CCNY: variants seen among roughly 807,000 people sequenced by gnomAD.
CCNY encodes the protein cyclin Y.
In CCNY, 19 loss-of-function variants were observed where a neutral mutation model predicts 42.8. That is an observed-to-expected ratio of 0.44 (90% CI 0.31 to 0.65). The LOEUF is 0.65. CCNY is among the 30% of genes least tolerant of loss of function. CCNY has a pLI of 0.07. For synonymous variants in CCNY, 165 were observed against 162.7 expected (o/e 1.01, Z -0.11); for missense variants, 370 against 437.3 (o/e 0.85, Z 1.37).
chr10:35,386,227 C>A (rs1210032486), intron 1 of CCNY, among the ~76,000 whole-genome samples: 1 of 152,144 alleles, frequency 6.6e-6, no homozygotes, highest in Admixed American at 6.5e-5. Context: ...ATCTTCGTAT[C>A]GTGTCAGAGT....
chr10:35,301,765 G>C (rs1835536349), intron 3 of CCNY, among the ~76,000 whole-genome samples: 1 of 151,956 alleles, frequency 6.6e-6, no homozygotes, highest in Admixed American at 6.6e-5. Flanking sequence ...GAGTAGCTGG[G>C]ACAGGTCTAC....
intron 1 of CCNY, among the ~76,000 whole-genome samples, chr10:35,448,186 A>G (rs1838833759): frequency 6.6e-6 from 1 of 152,204 alleles, no homozygotes; most frequent in South Asian, 2.1e-4. Flanking sequence ...GTGTGATTGA[A>G]TCGTTCTTTA....
chr10:35,326,634 C>T (rs1215499724), intron 3 of CCNY, among the ~76,000 whole-genome samples: 1 of 152,066 alleles, frequency 6.6e-6, no homozygotes, highest in Non-Finnish European at 1.5e-5. Flanking sequence ...TGTGGTGGCT[C>T]ACACGTGTAA....
rs539249882 is a variant in CCNY, at chr10:35,360,646, G to A, written c.154+23439G>A. Among the ~76,000 whole-genome samples the A allele has an allele frequency of 2.6e-5, 4 of 151,978 alleles. No individual in the cohort carries two copies. In the East Asian group the frequency reaches 7.7e-4, roughly 29 times the overall value. On this transcript the variant is annotated intron_variant, in intron 1 of 9. Transcript: ENST00000374704. ...CCTTGATTTTAGAAAATTTAAAAAA[G>A]TATATAGAAAAAATTACCTGTAATC...
intron 3 of CCNY, chr10:35,320,801 C>A (rs180953767): frequency 7.9e-5 from 12 of 152,140 alleles, no homozygotes; most frequent in Admixed American, 7.2e-4. Flanking sequence ...TGCATACTAG[C>A]AATAACCACC....
At chr10:35,393,087 G>C (rs561431382) in intron 1 of CCNY, among the ~76,000 whole-genome samples, 19 of 152,204 alleles carry the variant, frequency 1.2e-4, no homozygotes, top group Non-Finnish European at 2.5e-4. Context: ...GTCCCCAGCT[G>C]CCCTGTGTTT....
intron 1 of CCNY, among the ~76,000 whole-genome samples, chr10:35,447,927 C>T (rs931711493): frequency 1.3e-5 from 2 of 152,134 alleles, no homozygotes; most frequent in Non-Finnish European, 2.9e-5. Flanking sequence ...TGGCATTTCC[C>T]GTGATGAAGG....
chr10:35,443,260 A>G (rs1389492079), intron 1 of CCNY, among the ~76,000 whole-genome samples: 1 of 152,220 alleles, frequency 6.6e-6, no homozygotes, highest in Non-Finnish European at 1.5e-5. Context: ...TTTCTTCACT[A>G]ATAAATTAAT....
chr10:35,535,743 C>T (rs925440282), intron 7 of CCNY, among the ~76,000 whole-genome samples: 4 of 152,122 alleles, frequency 2.6e-5, no homozygotes, highest in Admixed American at 6.5e-5. Context: ...CTAGCGTTTA[C>T]ATTGTATTAG....
At chr10:35,481,636 G>C (rs963321408) in intron 1 of CCNY, among the ~76,000 whole-genome samples, 13 of 152,172 alleles carry the variant, frequency 8.5e-5, no homozygotes, top group African/African-American at 2.9e-4. Flanking sequence ...GCTGGCATGT[G>C]GGAACTGCAT....
chr10:35,393,243 G>A (rs1032182323), intron 1 of CCNY, among the ~76,000 whole-genome samples: 3 of 152,166 alleles, frequency 2.0e-5, no homozygotes, highest in Non-Finnish European at 4.4e-5. Flanking sequence ...GCTCCTATAA[G>A]TATATGATGA....
At chr10:35,271,504 GC>G (rs1268931039) in intron 3 of CCNY, among the ~76,000 whole-genome samples, 1 of 152,140 alleles carries the variant, frequency 6.6e-6, no homozygotes, top group African/African-American at 2.4e-5. Flanking sequence ...AAATACCCGA[GC>G]ATTCTGTTCT....
intron 1 of CCNY, among the ~76,000 whole-genome samples, chr10:35,439,235 G>A (rs1039940942): frequency 6.6e-6 from 1 of 152,148 alleles, no homozygotes; most frequent in African/African-American, 2.4e-5. Flanking sequence ...CTCTGATGAT[G>A]AGAATGTTAG....
intron 1 of CCNY, among the ~76,000 whole-genome samples, chr10:35,362,954 T>G (rs1340296119): frequency 1.5e-5 from 2 of 129,976 alleles, no homozygotes; most frequent in African/African-American, 3.0e-5. Flanking sequence ...TCGGTGGCCG[T>G]ACAGAGGCGC....
intron 1 of CCNY, among the ~76,000 whole-genome samples, chr10:35,409,286 T>G (rs1244125720): frequency 6.6e-6 from 1 of 152,186 alleles, no homozygotes; most frequent in Non-Finnish European, 1.5e-5. Flanking sequence ...TGCTGGGGTG[T>G]GCCCAGGTCA....
chr10:35,489,163 C>CATTTTACCGGATAATT (rs1239554881), intron 2 of CCNY, among the ~76,000 whole-genome samples: 1 of 152,056 alleles, frequency 6.6e-6, no homozygotes, highest in Non-Finnish European at 1.5e-5. Flanking sequence ...TGTAGTCTTA[C>CATTTTACCGGATAATT]ATTTTACCGG....
chr10:35,445,531 G>A (rs571905564), intron 1 of CCNY, among the ~76,000 whole-genome samples: 1 of 152,278 alleles, frequency 6.6e-6, no homozygotes, highest in Admixed American at 6.5e-5. Context: ...GATGGATTTG[G>A]GAAGTAGGAA....
At chr10:35,368,985 T>G (rs538911930) in intron 1 of CCNY, among the ~76,000 whole-genome samples, 1 of 152,318 alleles carries the variant, frequency 6.6e-6, no homozygotes, top group East Asian at 1.9e-4. Context: ...TTTCTCCACT[T>G]TTCTGGTGTA....
At chr10:35,385,312 G>C (rs1476992217) in intron 1 of CCNY, among the ~76,000 whole-genome samples, 1 of 152,112 alleles carries the variant, frequency 6.6e-6, no homozygotes, top group African/African-American at 2.4e-5. Context: ...TATGCGAGTG[G>C]TCTCCCTCCC....
Sources: gnomAD v4.1 joint callset for allele counts (sites outside exome capture counted in the v4.1 genomes callset) on GRCh38, gnomAD v4.1.1 for gene constraint, MANE v1.5 for transcripts, NCBI Gene and HGNC (gene_info 2026-07-23, HGNC 2026-07-21) for gene names.